The following MORN5 variants were observed in gnomAD, a reference collection of about 807,000 sequenced individuals.
MORN5 encodes MORN repeat-containing protein 5.
MORN5 carries 21 observed loss-of-function variants against 22.1 expected under a neutral mutation model. That is an observed-to-expected ratio of 0.95 (90% CI 0.67 to 1.37). The LOEUF is 1.37. MORN5 is among the 40% of genes most tolerant of loss of function. The probability of loss-of-function intolerance (pLI) is 0.00; values close to 1 mark genes in which losing one functional copy is unlikely to be tolerated. For missense variants in MORN5, 211 were observed against 215.1 expected, an observed-to-expected ratio of 0.98 and a Z score of 0.12; for synonymous variants, 73 against 74.0, an observed-to-expected ratio of 0.99 and a Z score of 0.07.
At chr9:122,195,995 C>CAGGT (rs1196880803) in intron 4 of MORN5, among the ~76,000 whole-genome samples, 1 of 61,236 alleles carries the variant, frequency 1.6e-5, no homozygotes, top group Non-Finnish European at 2.7e-5. Flanking sequence ...TATTTAGAGA[C>CAGGT]AGGTTCTCAA....
At chr9:122,195,437 C>G (rs1588319777) in intron 4 of MORN5, among the ~76,000 whole-genome samples, 1 of 152,152 alleles carries the variant, frequency 6.6e-6, no homozygotes, top group African/African-American at 2.4e-5. Flanking sequence ...TCCTTAGGCT[C>G]CACTGGGGGA....
At chr9:122,184,717 C>A (rs1034381124) in intron 4 of MORN5, among the ~76,000 whole-genome samples, 1 of 152,104 alleles carries the variant, frequency 6.6e-6, no homozygotes, top group Non-Finnish European at 1.5e-5. Context: ...CCACAGTAAC[C>A]CTGCAAAGTC....
chr9:122,183,429 A>G (rs1224240761), intron 4 of MORN5, among the ~76,000 whole-genome samples: 1 of 152,180 alleles, frequency 6.6e-6, no homozygotes, highest in Non-Finnish European at 1.5e-5. Context: ...CCAATTAATG[A>G]TACCCCATGC....
intron 4 of MORN5, among the ~76,000 whole-genome samples, chr9:122,175,068 A>C (rs1829428812): frequency 6.6e-6 from 1 of 152,218 alleles, no homozygotes; most frequent in Non-Finnish European, 1.5e-5. Flanking sequence ...AAACACAATG[A>C]AGGGAAAAAC....
chr9:122,199,141 C>T (rs1453917214), intron 4 of MORN5, among the ~76,000 whole-genome samples: 1 of 152,174 alleles, frequency 6.6e-6, no homozygotes, highest in East Asian at 1.9e-4. Context: ...ACTCAAGTCT[C>T]TTTATTTGAG....
chr9:122,166,748 AT>A lies in MORN5; in HGVS notation c.48-17del, dbSNP rs1391549945. ...TCCAGCTGTCACACAGGGCTCAGTG[AT>A]TTCCCTGTGTCTTTACAGGATGGAG... On this transcript the variant is annotated intron_variant, in intron 1 of 4. Coordinates refer to ENST00000373764, the MANE Select transcript of MORN5 (RefSeq NM_198469.4). The A allele has an allele frequency of 1.9e-6, 3 of 1,607,724 alleles. No individual in the cohort carries two copies. The highest frequency in any genetic ancestry group is 1.1e-5 in the South Asian group (1 of 89,900).
chr9:122,179,656 C>G (rs1471390207), intron 4 of MORN5, among the ~76,000 whole-genome samples: 3 of 152,124 alleles, frequency 2.0e-5, no homozygotes, highest in Non-Finnish European at 4.4e-5. Context: ...AGAAAGGTAG[C>G]CAAGGAGTAT....
At chr9:122,196,386 G>T (rs1829892139) in intron 4 of MORN5, among the ~76,000 whole-genome samples, 2 of 150,994 alleles carry the variant, frequency 1.3e-5, no homozygotes, top group South Asian at 2.1e-4. Context: ...CATGCTGGAG[G>T]GCAGTGGCGC....
chr9:122,167,682 G>A (rs1050913573), intron 2 of MORN5, among the ~76,000 whole-genome samples: 9 of 152,090 alleles, frequency 5.9e-5, no homozygotes, highest in East Asian at 3.9e-4. Flanking sequence ...CTATCAACTC[G>A]GGACAGTTAG....
rs550162600 is a variant in MORN5, at chr9:122,185,515, T to C, written c.439+10888T>C. Among the ~76,000 whole-genome samples the C allele has an allele frequency of 4.2e-5, 6 of 141,702 alleles. No homozygotes were observed. The East Asian group carries it at 5.9e-4, about 14-fold the overall frequency. The allele number at this position is 141,702 out of a possible 152,430, so 93.0% of individuals were successfully genotyped here. On this transcript the variant is annotated intron_variant, in intron 4 of 4. Coordinates refer to ENST00000373764, the MANE Select transcript of MORN5 (RefSeq NM_198469.4). ...TGCTGGGATTACAGGCGTGAGCCACTGCAACTGGCCAATTTTTTGTATTTT... is the reference window on the plus strand; with the variant it reads ...TGCTGGGATTACAGGCGTGAGCCACCGCAACTGGCCAATTTTTTGTATTTT...
At chr9:122,164,647 G>A in intron 1 of MORN5, 1 of 985,446 alleles carries the variant, frequency 1.0e-6, no homozygotes, top group Non-Finnish European at 1.2e-6. Context: ...TCCAGTTCAA[G>A]GTAAGAAAAG....
intron 4 of MORN5, among the ~76,000 whole-genome samples, chr9:122,189,457 AG>A (rs1241803442): frequency 6.6e-6 from 1 of 152,128 alleles, no homozygotes; most frequent in Non-Finnish European, 1.5e-5. Context: ...TAAATTAGCC[AG>A]GGGTGGTGGC....
At chr9:122,189,962 A>G (rs746660987) in intron 4 of MORN5, among the ~76,000 whole-genome samples, 6 of 152,134 alleles carry the variant, frequency 3.9e-5, no homozygotes, top group Non-Finnish European at 7.4e-5. Flanking sequence ...TGAGATGTCC[A>G]TCTCCAGCAT....
At chr9:122,184,059 CGAT>C (rs1397193177) in intron 4 of MORN5, among the ~76,000 whole-genome samples, 1 of 152,140 alleles carries the variant, frequency 6.6e-6, no homozygotes, top group Admixed American at 6.5e-5. Context: ...AGGAAGATGG[CGAT>C]GATGGTGGTG....
intron 1 of MORN5, chr9:122,164,640 A>G: frequency 2.0e-6 from 2 of 985,498 alleles, no homozygotes; most frequent in Non-Finnish European, 2.4e-6. Flanking sequence ...AGTGATGTCC[A>G]GTTCAAGGTA....
intron 4 of MORN5, among the ~76,000 whole-genome samples, chr9:122,181,025 C>T (rs993475914): frequency 6.6e-6 from 1 of 152,246 alleles, no homozygotes; most frequent in South Asian, 2.1e-4. Flanking sequence ...AAATTCAATA[C>T]CTGGCACATG....
intron 4 of MORN5, among the ~76,000 whole-genome samples, chr9:122,178,325 C>T (rs1033782529): frequency 2.0e-5 from 3 of 152,208 alleles, no homozygotes; most frequent in Middle Eastern, 3.4e-3. Context: ...CCCATCTCTA[C>T]TAAAAATACA....
chr9:122,192,446 T>A (rs1355357453), intron 4 of MORN5, among the ~76,000 whole-genome samples: 4 of 152,200 alleles, frequency 2.6e-5, no homozygotes, highest in Non-Finnish European at 5.9e-5. Flanking sequence ...TTAACCATCA[T>A]GCCACACTGC....
chr9:122,198,852 T>C (rs908976666), intron 4 of MORN5, among the ~76,000 whole-genome samples: 1 of 152,070 alleles, frequency 6.6e-6, no homozygotes, highest in African/African-American at 2.4e-5. Context: ...CAAGAATAGA[T>C]CTTGAGTGAA....
Sources: gnomAD v4.1 joint callset for allele counts (sites outside exome capture counted in the v4.1 genomes callset) on GRCh38, gnomAD v4.1.1 for gene constraint, MANE v1.5 for transcripts, NCBI Gene and HGNC (gene_info 2026-07-23, HGNC 2026-07-21) for gene names.